The following ALMS1 variants were observed in gnomAD, a reference collection of about 807,000 sequenced individuals.
The protein encoded by ALMS1 is ALMS1 centrosome and basal body associated protein.
ALMS1 carries 271 observed loss-of-function variants against 352.2 expected under a neutral mutation model. The ratio of observed to expected loss-of-function variants is 0.77; its 90% CI spans 0.70 to 0.85. The LOEUF (loss-of-function observed/expected upper bound fraction) is 0.85. Ranked by LOEUF, ALMS1 falls within the 40% of genes least tolerant of loss-of-function variation. The pLI, the probability that ALMS1 is intolerant of heterozygous loss-of-function variation, is 0.00. For missense variants in ALMS1, 5,445 were observed against 4,870.7 expected (o/e 1.12, Z -3.51); for synonymous variants, 1,865 against 1,761.2 (o/e 1.06, Z -1.48).
chr2:73,539,342 CAGAA>C (rs1346304673), intron 12 of ALMS1, among the ~76,000 whole-genome samples: 1 of 152,062 alleles, frequency 6.6e-6, no homozygotes, highest in African/African-American at 2.4e-5. Flanking sequence ...TACTAACAAA[CAGAA>C]AGGACATCCA....
chr2:73,445,645 C>T (rs1057180764), intron 7 of ALMS1, among the ~76,000 whole-genome samples: 8 of 34,278 alleles, frequency 2.3e-4, no homozygotes, highest in African/African-American at 3.9e-4. Context: ...TCTTCGTCAC[C>T]TAGGAAGCCT....
rs754887160 is a variant in ALMS1 at position 73,419,106 on chromosome 2, C to CT, written c.451-14dup. 5.6e-6 allele frequency: 9 copies of CT among 1,605,390 alleles called. No individual in the cohort carries two copies. In the South Asian group the frequency reaches 9.9e-5, roughly 18 times the overall value. On this transcript the variant is annotated splice_polypyrimidine_tract_variant and intron_variant, in intron 2 of 22. Transcript: ENST00000613296. Reference sequence around the variant, plus strand: ...TCAGTTAATGACTTAGCATGTTTTCCTTTAACATTTTTCTAGAAAACAGAA... The same window carrying CT: ...TCAGTTAATGACTTAGCATGTTTTCCTTTTAACATTTTTCTAGAAAACAGAA...
intron 11 of ALMS1, among the ~76,000 whole-genome samples, chr2:73,521,733 C>G (rs1294372212): frequency 1.3e-5 from 2 of 151,774 alleles, no homozygotes; most frequent in Non-Finnish European, 2.9e-5. Context: ...CTGGGCGACA[C>G]AGCGAGACTC....
intron 21 of ALMS1, among the ~76,000 whole-genome samples, chr2:73,608,272 T>C (rs1231197165): frequency 6.6e-6 from 1 of 152,174 alleles, no homozygotes; most frequent in Non-Finnish European, 1.5e-5. Context: ...TTTATTGTGT[T>C]TGTATTTATC....
At chr2:73,513,641 C>G (rs1044546706) in intron 10 of ALMS1, among the ~76,000 whole-genome samples, 6 of 152,156 alleles carry the variant, frequency 3.9e-5, no homozygotes, top group Admixed American at 2.6e-4. Context: ...TTTTCCTTCT[C>G]TACTGCAGCT....
chr2:73,449,649 A>C lies in ALMS1; in HGVS notation c.3122A>C (p.Glu1041Ala). 1.2e-6 allele frequency: 2 copies of C among 1,613,786 alleles called. No homozygotes were observed. The highest frequency in any genetic ancestry group is 1.7e-6 in the Non-Finnish European group (2 of 1,179,864). ...TGPGPADQKT[E>A]IPAVQSSSYP... Reference sequence around the variant, plus strand: ...CCTGGACCAGCTGACCAGAAGACTGAGATACCAGCAGTACAGTCTAGTTCT... The same window carrying C: ...CCTGGACCAGCTGACCAGAAGACTGCGATACCAGCAGTACAGTCTAGTTCT... The change falls in exon 8 of 23, where the codon GAG (glutamate) becomes GCG (alanine). Residue 1041 changes from glutamate (E) to alanine (A), a missense_variant. Coordinates refer to ENST00000613296, the MANE Select transcript of ALMS1 (RefSeq NM_001378454.1).
In ALMS1 at chr2:73,531,784, C is replaced by T. The variant is rs577347159; in HGVS notation, c.9782-3040C>T. 8.5e-5 allele frequency among the ~76,000 whole-genome samples: 13 copies of T among 152,258 alleles called. No individual in the cohort carries two copies. The East Asian group carries it at 1.7e-3, about 20-fold the overall frequency. ...GGCCTCAGGAAACTTACAATCATGG[C>T]GGAAGGTGAAGGGGAAGCAAGACAC... On this transcript the variant is annotated intron_variant, in intron 11 of 22. Transcript: ENST00000613296.
At chr2:73,470,910 C>A (rs1419624170) in intron 9 of ALMS1, 1 of 151,604 alleles carries the variant, frequency 6.6e-6, no homozygotes, top group African/African-American at 2.4e-5. Flanking sequence ...ATAGTGTGGC[C>A]ACACCTGTGC....
chr2:73,475,239 A>G (rs1051394168), intron 9 of ALMS1, among the ~76,000 whole-genome samples: 1 of 152,100 alleles, frequency 6.6e-6, no homozygotes, highest in Non-Finnish European at 1.5e-5. Context: ...TCTCTTGGTT[A>G]TATACCTAAC....
intron 9 of ALMS1, chr2:73,457,279 T>C (rs1333043867): frequency 6.6e-6 from 1 of 152,216 alleles, no homozygotes; most frequent in Non-Finnish European, 1.5e-5. Flanking sequence ...TTGCCCAGGC[T>C]GGACTGCAGT....
intron 9 of ALMS1, among the ~76,000 whole-genome samples, chr2:73,486,027 C>T (rs1259817096): frequency 3.3e-5 from 5 of 151,950 alleles, no homozygotes; most frequent in Admixed American, 6.6e-5. Context: ...CAGAAATCAC[C>T]GTCTTCTGCG....
chr2:73,550,503 A>C (rs367957570), intron 13 of ALMS1, 66 bp downstream of exon 13: 19 of 1,573,532 alleles, frequency 1.2e-5, no homozygotes, highest in Middle Eastern at 2.0e-4. Context: ...TGAGATTACT[A>C]TCCAATCTTT....
chr2:73,567,227 C>A (rs539507582), intron 15 of ALMS1, among the ~76,000 whole-genome samples: 103 of 152,302 alleles, frequency 6.8e-4, no homozygotes, highest in Non-Finnish European at 1.0e-3. Context: ...ACAGGCCCCC[C>A]ATCCTAAGGG....
At chr2:73,544,834 A>G (rs1674278790) in intron 12 of ALMS1, among the ~76,000 whole-genome samples, 1 of 152,228 alleles carries the variant, frequency 6.6e-6, no homozygotes, top group South Asian at 2.1e-4. Context: ...ATGGATAACA[A>G]AATGTGACAT....
Position 73,602,372 on chromosome 2 carries a change from C to A in ALMS1, c.12298+4C>A. On this transcript the variant is annotated splice_donor_region_variant and intron_variant, in intron 20 of 22. Transcript: ENST00000613296. ...ATGTGCCCGCTGCCCAAGAGAGGTA[C>A]GCCCTGCCCGTTCACTTTCCTGTGA... The A allele has an allele frequency of 6.2e-7, 1 of 1,614,090 alleles. No homozygotes were observed. Among genetic ancestry groups the A allele is most frequent in the Non-Finnish European group, 8.5e-7 (1 of 1,179,978 alleles).
At chr2:73,475,729 C>T (rs1216039775) in intron 9 of ALMS1, among the ~76,000 whole-genome samples, 1 of 152,028 alleles carries the variant, frequency 6.6e-6, no homozygotes, top group Non-Finnish European at 1.5e-5. Flanking sequence ...TGAACTCTAA[C>T]TTATCAGACT....
At chr2:73,433,041 G>A (rs1326333212) in intron 7 of ALMS1, among the ~76,000 whole-genome samples, 1 of 147,800 alleles carries the variant, frequency 6.8e-6, no homozygotes, top group Non-Finnish European at 1.5e-5. Flanking sequence ...GAGGTGAGTA[G>A]TGGTGGAATT....
At chr2:73,525,315 T>A (rs1673767602) in intron 11 of ALMS1, among the ~76,000 whole-genome samples, 1 of 152,196 alleles carries the variant, frequency 6.6e-6, no homozygotes, top group Admixed American at 6.5e-5. Flanking sequence ...GGATCATATG[T>A]TAGCTCTAAT....
chr2:73,456,935 C>T (rs1005460430), intron 9 of ALMS1: 6 of 152,134 alleles, frequency 3.9e-5, no homozygotes, highest in African/African-American at 1.4e-4. Context: ...AAGTTGCCTT[C>T]CTTTGGGTAG....
Sources: allele counts gnomAD v4.1 joint callset (sites outside exome capture counted in the v4.1 genomes callset), GRCh38; gene constraint gnomAD v4.1.1; transcripts MANE v1.5; gene names NCBI Gene and HGNC (gene_info 2026-07-23, HGNC 2026-07-21).